Variants in POU2F1 observed in about 807,000 individuals in gnomAD.
POU2F1 encodes POU domain, class 2, transcription factor 1.
In POU2F1, 16 loss-of-function variants were observed where a neutral mutation model predicts 84.9. That is an observed-to-expected ratio of 0.19 (90% CI 0.13 to 0.29). The LOEUF (loss-of-function observed/expected upper bound fraction) is 0.29, where lower values mean the gene tolerates loss of function less well. POU2F1 is among the 10% of genes least tolerant of loss of function. The pLI is 1.00. For missense variants in POU2F1, 738 were observed against 942.6 expected, an observed-to-expected ratio of 0.78 and a Z score of 2.84; for synonymous variants, 368 against 368.3, an observed-to-expected ratio of 1.00 and a Z score of 0.01.
chr1:167,367,608 A>G (rs1224844240), intron 3 of POU2F1, among the ~76,000 whole-genome samples: 2 of 152,172 alleles, frequency 1.3e-5, no homozygotes, highest in Non-Finnish European at 2.9e-5. Flanking sequence ...TTTTAAAAAA[A>G]CTTTCAAATT....
In POU2F1 at chr1:167,220,946, G is replaced by A; in HGVS notation, c.49G>A (p.Ala17Thr). 2 of 1,534,338 alleles carry A rather than the reference G, an allele frequency of 1.3e-6. No homozygotes were observed. Among genetic ancestry groups the A allele is most frequent in the Non-Finnish European group, 1.7e-6 (2 of 1,145,924 alleles). ...ASQDESSAAA[A>T]AAADSRMNNP... is the part of the protein sequence containing the mutation. ...TCAAGATGAGAGTTCAGCCGCGGCG[G>A]CAGCAGCAGCAGGTAATCATTACAG... The change falls in exon 1 of 16, where the codon GCA becomes ACA. Residue 17 changes from alanine (A) to threonine (T), a missense_variant. Physicochemically the swap from Ala to Thr is moderately conservative, Grantham distance 58 (BLOSUM62 0). This residue lies in a region of POU2F1 where 161 missense variants were observed against 147.0 expected (regional missense o/e 1.10). Transcript: ENST00000367866.
intron 1 of POU2F1, among the ~76,000 whole-genome samples, chr1:167,243,483 A>AT (rs1057273270): frequency 6.6e-5 from 10 of 151,514 alleles, no homozygotes; most frequent in East Asian, 3.9e-4. Context: ...TTTAATTTTT[A>AT]TTTTTTTTTG....
At chr1:167,271,318 G>A (rs1471884361) in intron 1 of POU2F1, among the ~76,000 whole-genome samples, 3 of 152,134 alleles carry the variant, frequency 2.0e-5, no homozygotes, top group Non-Finnish European at 4.4e-5. Context: ...GAAGCCATTT[G>A]GACAATTAAT....
rs570154175 is a variant in POU2F1 at position 167,266,865 on chromosome 1, G to A, written c.61+45907G>A. ...TCTTGATCTCCTGACCTCATGATCT[G>A]CCTGTCTTGGTCTCCCAAAGTACTG... On this transcript the variant is annotated intron_variant, in intron 1 of 15. Coordinates refer to ENST00000367866, the MANE Select transcript of POU2F1 (RefSeq NM_002697.4). 1.3e-4 allele frequency among the ~76,000 whole-genome samples: 20 copies of A among 152,156 alleles called. No homozygotes were observed. In the South Asian group the frequency reaches 4.1e-3, roughly 32 times the overall value.
At chr1:167,413,620 C>T (rs1172178314) in intron 15 of POU2F1, among the ~76,000 whole-genome samples, 1 of 152,134 alleles carries the variant, frequency 6.6e-6, no homozygotes, top group Non-Finnish European at 1.5e-5. Context: ...AAGTTCTGCT[C>T]TTTTTATATC....
chr1:167,239,431 T>G (rs979001042), intron 1 of POU2F1, among the ~76,000 whole-genome samples: 2 of 152,180 alleles, frequency 1.3e-5, no homozygotes, highest in Admixed American at 1.3e-4. Context: ...AAAGAACATA[T>G]GTAAAAGTGC....
chr1:167,404,523 A>G (rs1415636797), intron 13 of POU2F1, among the ~76,000 whole-genome samples: 3 of 152,208 alleles, frequency 2.0e-5, no homozygotes, highest in South Asian at 4.1e-4. Context: ...CATGCATGCA[A>G]GTACCTACAC....
intron 13 of POU2F1, among the ~76,000 whole-genome samples, chr1:167,402,556 G>A (rs1649286073): frequency 6.6e-6 from 1 of 152,130 alleles, no homozygotes; most frequent in Non-Finnish European, 1.5e-5. Flanking sequence ...GAATTTGAAA[G>A]CTACAGACTT....
intron 1 of POU2F1, among the ~76,000 whole-genome samples, chr1:167,253,266 G>T (rs1329253079): frequency 6.6e-6 from 1 of 151,760 alleles, no homozygotes; most frequent in African/African-American, 2.4e-5. Flanking sequence ...TGTACTTCAG[G>T]GTCAGAAACA....
At chr1:167,375,927 T>G (rs1191900063) in intron 6 of POU2F1, 102 bp from the exon 7 acceptor site, 1 of 1,386,988 alleles carries the variant, frequency 7.2e-7, no homozygotes, top group Non-Finnish European at 1.0e-6. Flanking sequence ...GTATTTACTC[T>G]TCTTTATTTG....
chr1:167,396,616 G>C (rs1571438387), intron 10 of POU2F1, 189 bp downstream of exon 10: 2 of 595,266 alleles, frequency 3.4e-6, no homozygotes, highest in Non-Finnish European at 5.6e-6. Flanking sequence ...AAATATTCTA[G>C]TAATTACAGT....
intron 2 of POU2F1, among the ~76,000 whole-genome samples, chr1:167,343,148 A>C (rs1356328941): frequency 2.0e-5 from 3 of 152,080 alleles, no homozygotes; most frequent in Non-Finnish European, 4.4e-5. Context: ...TTAAAACTTT[A>C]GGTCAGGGGT....
At chr1:167,408,184 A>G (rs932793711) in intron 13 of POU2F1, among the ~76,000 whole-genome samples, 1 of 152,340 alleles carries the variant, frequency 6.6e-6, no homozygotes, top group Middle Eastern at 3.4e-3. Context: ...GTAATGAGAT[A>G]CTACTTTGTA....
chr1:167,341,750 C>G (rs1657876268), intron 2 of POU2F1, among the ~76,000 whole-genome samples: 1 of 152,198 alleles, frequency 6.6e-6, no homozygotes, highest in African/African-American at 2.4e-5. Context: ...AGTGTTAGCT[C>G]AGTGATCCTC....
chr1:167,410,527 A>ATTT (rs1452681200), intron 13 of POU2F1, among the ~76,000 whole-genome samples: 2 of 138,620 alleles, frequency 1.4e-5, no homozygotes, highest in African/African-American at 6.8e-5. Context: ...TATTATTATT[A>ATTT]TTATTTTTAA....
At chr1:167,276,797 A>G (rs1215543888) in intron 1 of POU2F1, among the ~76,000 whole-genome samples, 1 of 152,200 alleles carries the variant, frequency 6.6e-6, no homozygotes, top group African/African-American at 2.4e-5. Context: ...AGGGTGGGAA[A>G]GGCAAAGGAG....
intron 3 of POU2F1, 40 bp downstream of exon 3, chr1:167,365,607 T>G: frequency 6.8e-7 from 1 of 1,475,494 alleles, no homozygotes; most frequent in Non-Finnish European, 9.2e-7. Flanking sequence ...GAGTGAAAGA[T>G]AGAGGCGTAA....
At chr1:167,310,468 C>G (rs534759926) in intron 1 of POU2F1, among the ~76,000 whole-genome samples, 2 of 151,920 alleles carry the variant, frequency 1.3e-5, no homozygotes, top group African/African-American at 4.8e-5. Flanking sequence ...ATTAATGAAT[C>G]TATGGAGCTA....
chr1:167,314,252 AG>A (rs1196818767), intron 1 of POU2F1, among the ~76,000 whole-genome samples: 1 of 152,070 alleles, frequency 6.6e-6, no homozygotes, highest in Non-Finnish European at 1.5e-5. Flanking sequence ...GTCACTGAAG[AG>A]GCTGTATGGA....
Sources: gnomAD v4.1 joint callset for allele counts (sites outside exome capture counted in the v4.1 genomes callset) on GRCh38, gnomAD v4.1.1 for gene constraint, gnomAD v4.1.1 regional missense constraint, MANE v1.5 for transcripts, NCBI Gene and HGNC (gene_info 2026-07-23, HGNC 2026-07-21) for gene names.